Variants in TTN observed in about 807,000 individuals in gnomAD.
The protein encoded by TTN is titin.
In TTN, 1,525 loss-of-function variants were observed where a neutral mutation model predicts 3,223.0. That is an observed-to-expected ratio of 0.47 (90% confidence interval 0.45 to 0.49). The LOEUF (loss-of-function observed/expected upper bound fraction) is 0.49. Ranked by LOEUF, TTN falls within the 20% of genes least tolerant of loss-of-function variation. TTN has a pLI of 0.00. For synonymous variants in TTN, 14,094 were observed against 15,161.0 expected (o/e 0.93, Z 5.17); for missense variants, 40,786 against 43,424.0 (o/e 0.94, Z 5.40).
chr2:178,750,260 G>T (rs2085049254), intron 47 of TTN: 1 of 1,613,060 alleles, frequency 6.2e-7, no homozygotes, highest in Admixed American at 1.7e-5. Context: ...ATGGAACACT[G>T]GGACTTTATG....
chr2:178,601,961 G>C, intron 284 of TTN, 41 bp downstream of exon 284: 1 of 1,612,624 alleles, frequency 6.2e-7, no homozygotes, highest in African/African-American at 1.3e-5. Context: ...ACTCCTTATA[G>C]TGATTCAGTG....
In TTN at chr2:178,649,620, G is replaced by A. The variant is rs1309002280; in HGVS notation, c.39907C>T (p.Pro13303Ser). The A allele has an allele frequency of 1.9e-6, 3 of 1,550,122 alleles. No homozygotes were observed. In the African/African-American group the frequency reaches 4.1e-5, roughly 21 times the overall value. The change falls in exon 212 of 363, where the codon CCA (proline) becomes TCA (serine). Residue 13303 changes from proline to serine, a missense_variant. Pro to Ser is a moderately conservative substitution (Grantham distance 74, BLOSUM62 -1). Transcript: ENST00000589042. ...EAPPPKEPEM[P>S]KKVVPVKKVP... ...TTCTTCACTGGAACAACTTTCTTTG[G>A]CATCTCAGGTTCTTTAAAGATATCA... is the stretch of plus-strand genomic sequence containing the variant.
Position 178,632,759 on chromosome 2 carries a change from T to A in TTN, c.43247A>T (p.Asp14416Val). The A allele has an allele frequency of 6.2e-7, 1 of 1,613,082 alleles. No homozygotes were observed. The highest frequency in any genetic ancestry group is 8.5e-7 in the Non-Finnish European group (1 of 1,179,520). Residue 14416 changes from aspartate to valine, a missense_variant, in exon 235 of 363, where the codon GAT (aspartate) becomes GTT (valine). By Grantham distance (152) the Asp-to-Val change is radical. Coordinates refer to ENST00000589042, the MANE Select transcript of TTN (RefSeq NM_001267550.2). ...CTCATCTTTCTCGAAGACTTTAACA[T>A]CACTGAGAGGTGTGATGAAGATAAG... Reference protein sequence around the residue: ...LPLIFITPLSDVKVFEKDEAK... With the variant: ...LPLIFITPLSVVKVFEKDEAK...
intron 6 of TTN, among the ~76,000 whole-genome samples, chr2:178,797,894 CTATT>C (rs901820433): frequency 3.3e-5 from 5 of 151,596 alleles, no homozygotes; most frequent in African/African-American, 1.2e-4. Context: ...CATTTTTTAA[CTATT>C]TAATCAAGCT....
intron 212 of TTN, 44 bp from the exon 213 acceptor site, chr2:178,649,375 A>AT: frequency 7.4e-7 from 1 of 1,347,050 alleles, no homozygotes; most frequent in Non-Finnish European, 9.8e-7. Flanking sequence ...ATTTAAAAAC[A>AT]TTTTAAAATA....
intron 9 of TTN, among the ~76,000 whole-genome samples, chr2:178,792,569 AT>A (rs1327692533): frequency 3.3e-4 from 50 of 152,216 alleles, no homozygotes; most frequent in African/African-American, 1.2e-3. Context: ...TTTAGAAGTA[AT>A]TTTGTCTGAT....
Position 178,782,555 on chromosome 2 carries a change from T to A in TTN, c.3148A>T (p.Thr1050Ser). 1 of 1,614,028 alleles carries A rather than the reference T, an allele frequency of 6.2e-7. No homozygotes were observed. Among genetic ancestry groups the A allele is most frequent in the Non-Finnish European group, 8.5e-7 (1 of 1,179,968 alleles). The change falls in exon 19 of 363, where the codon ACT becomes TCT. Residue 1050 changes from threonine to serine, a missense_variant. By Grantham distance (58) the Thr-to-Ser change is moderately conservative. Transcript: ENST00000589042. The part of the protein sequence containing the change: ...KETTAVTEKF[T>S]TEEKRFVESR... Reference sequence around the variant, plus strand: ...ATATTTTACCGTTTCTCTTCTGTAGTAAATTTCTCAGTCACGGCTGTGGTT... The same window carrying A: ...ATATTTTACCGTTTCTCTTCTGTAGAAAATTTCTCAGTCACGGCTGTGGTT...
In TTN at chr2:178,537,725, ATT is replaced by A; in HGVS notation, c.99480_99481del (p.Met33161AspfsTer7). The A allele has an allele frequency of 6.2e-7, 1 of 1,613,768 alleles. No homozygotes were observed. Among genetic ancestry groups the A allele is most frequent in the Non-Finnish European group, 8.5e-7 (1 of 1,179,774 alleles). On this transcript the variant is annotated frameshift_variant, in exon 355 of 363. Coordinates refer to ENST00000589042, the MANE Select transcript of TTN (RefSeq NM_001267550.2). LOFTEE classifies it high-confidence loss of function. ...ACCTTCATCTTCCTGTTCCTCTGTCATTACTGTAAGAGTGTGTGTGCGTCCAT... is the reference window on the plus strand; with the variant it reads ...ACCTTCATCTTCCTGTTCCTCTGTCAACTGTAAGAGTGTGTGTGCGTCCAT...
At position 178,785,782 on chromosome 2, in the gene TTN, G is replaced by C. The variant is rs770730308; in HGVS notation, c.2371-40C>G. The C allele has an allele frequency of 9.9e-6, 16 of 1,613,990 alleles. No homozygotes were observed. In the East Asian group the frequency reaches 1.3e-4, roughly 13 times the overall value. On this transcript the variant is annotated intron_variant, in intron 14 of 362. Coordinates refer to ENST00000589042, the MANE Select transcript of TTN (RefSeq NM_001267550.2). ...AACTCAGTGATACCATTGATCACCA[G>C]ATGACCACAGCAGTGAGGCTTGCTT...
At chr2:178,642,394 A>AGTT (rs2061359128) in intron 218 of TTN, 77 bp from the exon 219 acceptor site, 2 of 1,295,736 alleles carry the variant, frequency 1.5e-6, no homozygotes, top group Non-Finnish European at 2.2e-6. Context: ...TGTCTCTCCT[A>AGTT]AAACTAGTTA....
Position 178,538,711 on chromosome 2 carries a change from A to G in TTN, c.99118T>C (p.Ser33040Pro), listed in dbSNP as rs772469694. ...CTCTTCTTCCAGGCACTGTCTCCAG[A>G]CTGTCTATATTCAACCCAGTATCCA... ...ILGYWVEYRQ[S>P]GDSAWKKSNK... The change falls in exon 354 of 363, where the codon TCT becomes CCT. Residue 33040 changes from serine (S) to proline (P), a missense_variant. Physicochemically the swap from Ser to Pro is moderately conservative, Grantham distance 74. Coordinates refer to ENST00000589042, the MANE Select transcript of TTN (RefSeq NM_001267550.2). 6 of 1,613,594 alleles carry G rather than the reference A, an allele frequency of 3.7e-6. No homozygotes were observed. Among genetic ancestry groups the G allele is most frequent in the Non-Finnish European group, 4.2e-6 (5 of 1,179,734 alleles).
chr2:178,588,239 A>G lies in TTN; in HGVS notation c.63188-20T>C. 2 of 1,533,310 alleles carry G rather than the reference A, an allele frequency of 1.3e-6. No homozygotes were observed. Among genetic ancestry groups the G allele is most frequent in the Middle Eastern group, 1.8e-4 (1 of 5,616 alleles). 95.0% of individuals were successfully genotyped at this position (1,533,310 alleles called of 1,614,324 possible). A position where few individuals can be genotyped will look rare whatever the true frequency, so the allele number is the denominator to read the frequency against. On this transcript the variant is annotated intron_variant, in intron 304 of 362. Transcript: ENST00000589042. Reference sequence around the variant, plus strand: ...GTGGCTCTGAAAGTAAAATATACATATAGTTAACTACTACTAGTGATACTT... The same window carrying G: ...GTGGCTCTGAAAGTAAAATATACATGTAGTTAACTACTACTAGTGATACTT...
At chr2:178,744,513 A>T (rs1326150910) in intron 47 of TTN, 1 of 870,276 alleles carries the variant, frequency 1.1e-6, no homozygotes. Flanking sequence ...TTAAAAGACA[A>T]AATTAAAGAG....
At position 178,562,942 on chromosome 2, in the gene TTN, C is replaced by A; in HGVS notation, c.83190G>T (p.Met27730Ile). The change falls in exon 326 of 363, where the codon ATG becomes ATT. Residue 27730 changes from methionine (M) to isoleucine (I), a missense_variant. Transcript: ENST00000589042. ...ATCTGGTAACATTATCAATCACCAA[C>A]ATTGTAAATGAGCTGGTCACCTCTA... is the stretch of plus-strand genomic sequence containing the variant. Reference protein sequence around the residue: ...AQIEVTSSFTMLVIDNVTRFD... With the variant: ...AQIEVTSSFTILVIDNVTRFD... The A allele has an allele frequency of 6.2e-7, 1 of 1,613,682 alleles. No individual in the cohort carries two copies. Among genetic ancestry groups the A allele is most frequent in the African/African-American group, 1.3e-5 (1 of 75,026 alleles).
In TTN at chr2:178,618,867, T is replaced by G. The variant is rs371310030; in HGVS notation, c.46697-14A>C. On this transcript the variant is annotated splice_polypyrimidine_tract_variant and intron_variant, in intron 250 of 362. Coordinates refer to ENST00000589042, the MANE Select transcript of TTN (RefSeq NM_001267550.2). ...TTTTTGGTGCAGCTAGTGAGAAAGA[T>G]AACATGTGAACGCTTTCGACTATTA... 87 of 1,606,464 alleles carry G rather than the reference T, an allele frequency of 5.4e-5. 1 individual carries two copies. Among genetic ancestry groups the G allele is most frequent in the Non-Finnish European group, 8.5e-6 (10 of 1,177,772 alleles).
intron 119 of TTN, 85 bp downstream of exon 119, chr2:178,693,524 A>C: frequency 1.0e-6 from 1 of 986,814 alleles, no homozygotes; most frequent in Non-Finnish European, 1.5e-6. Flanking sequence ...TAAATCTATT[A>C]TTTAATACTA....
rs878977270 is a variant in TTN, at chr2:178,632,680, T to C, written c.43326A>G (p.Lys14442=). The C allele has an allele frequency of 3.7e-6, 6 of 1,613,280 alleles. No homozygotes were observed. Among genetic ancestry groups the C allele is most frequent in the Non-Finnish European group, 5.1e-6 (6 of 1,179,540 alleles). ...SREPKTFRWL[K]GTQEITGDDR... ...CATCACCTGTGATTTCCTGGGTTCCTTTTAGCCAACGGAATGTTTTGGGCT... is the reference window on the plus strand; with the variant it reads ...CATCACCTGTGATTTCCTGGGTTCCCTTTAGCCAACGGAATGTTTTGGGCT... The change falls in exon 235 of 363, where the codon AAA becomes AAG. Residue 14442 remains lysine (K), a synonymous_variant. Transcript: ENST00000589042.
intron 22 of TTN, chr2:178,779,758 G>T: frequency 1.8e-6 from 1 of 543,622 alleles, no homozygotes; most frequent in Non-Finnish European, 3.2e-6. Context: ...TAATATTGGT[G>T]TTTTCCTTAA....
rs370208081 is a variant in TTN, at chr2:178,739,184, G to A, written c.14049C>T (p.Ser4683=). The change falls in exon 48 of 363, where the codon AGC becomes AGT. Residue 4683 remains serine (S), a synonymous_variant. Coordinates refer to ENST00000589042, the MANE Select transcript of TTN (RefSeq NM_001267550.2). ...GEYVCEALND[S]GKTATSAKLT... ...GTTTGGCTGAAGTTGCTGTTTTTCCGCTGTCATTCAAGGCCTCACAGACAT... is the reference window on the plus strand; with the variant it reads ...GTTTGGCTGAAGTTGCTGTTTTTCCACTGTCATTCAAGGCCTCACAGACAT... 2.3e-5 allele frequency: 35 copies of A among 1,513,462 alleles called. No homozygotes were observed. Among genetic ancestry groups the A allele is most frequent in the African/African-American group, 2.2e-4 (16 of 71,832 alleles). 93.8% of individuals were successfully genotyped at this position (1,513,462 alleles called of 1,614,324 possible). A position where few individuals can be genotyped will look rare whatever the true frequency, so the allele number is the denominator to read the frequency against.
Sources: gnomAD v4.1 joint callset for allele counts (sites outside exome capture counted in the v4.1 genomes callset) on GRCh38, gnomAD v4.1.1 for gene constraint, MANE v1.5 for transcripts, NCBI Gene and HGNC (gene_info 2026-07-23, HGNC 2026-07-21) for gene names.